NCAM2: variants seen among roughly 807,000 people sequenced by gnomAD.
The protein encoded by NCAM2 is N-CAM-2.
Under a neutral mutation model 98.1 loss-of-function variants are expected in NCAM2, and 30 were observed. The observed-to-expected ratio is 0.31, with a 90% CI of 0.23 to 0.41. The LOEUF (loss-of-function observed/expected upper bound fraction) is 0.41. Ranked by LOEUF, NCAM2 falls within the 10% of genes least tolerant of loss-of-function variation. NCAM2 has a pLI of 1.00. For missense variants in NCAM2, 867 were observed against 1,005.8 expected, an observed-to-expected ratio of 0.86 and a Z score of 1.87; for synonymous variants, 368 against 342.4, an observed-to-expected ratio of 1.07 and a Z score of -0.83.
intron 12 of NCAM2, chr21:21,463,664 GA>G (rs1983295197): frequency 6.6e-6 from 1 of 152,064 alleles, no homozygotes; most frequent in African/African-American, 2.4e-5. Context: ...AACATGTGAG[GA>G]AACAGGGAAA....
Position 21,097,782 on chromosome 21 carries a change from G to A in NCAM2, c.55+99164G>A, listed in dbSNP as rs187230774. Reference sequence around the variant, plus strand: ...AGATTGTTTTATTCTAATCAAAAGAGCAAGAAAGCAATTGATAAGCTGGAT... The same window carrying A: ...AGATTGTTTTATTCTAATCAAAAGAACAAGAAAGCAATTGATAAGCTGGAT... On this transcript the variant is annotated intron_variant, in intron 1 of 17. Transcript: ENST00000400546. Among the ~76,000 whole-genome samples the A allele has an allele frequency of 4.6e-5, 7 of 151,110 alleles. No homozygotes were observed. The East Asian group carries it at 1.4e-3, about 30-fold the overall frequency.
chr21:21,395,944 T>C (rs1046915132), intron 9 of NCAM2, among the ~76,000 whole-genome samples: 2 of 152,082 alleles, frequency 1.3e-5, no homozygotes, highest in Non-Finnish European at 2.9e-5. Flanking sequence ...CTCTAGACAT[T>C]GGCTTAGGCA....
chr21:21,401,779 A>C (rs531539940), intron 9 of NCAM2, among the ~76,000 whole-genome samples: 3 of 152,162 alleles, frequency 2.0e-5, no homozygotes, highest in African/African-American at 7.2e-5. Flanking sequence ...TCTTTTCTAC[A>C]TACTAATTGA....
chr21:21,177,985 A>C (rs2068349329), intron 1 of NCAM2, among the ~76,000 whole-genome samples: 1 of 152,158 alleles, frequency 6.6e-6, no homozygotes, highest in African/African-American at 2.4e-5. Flanking sequence ...TTTTATAAAA[A>C]CAGTTTATAT....
At chr21:21,491,765 T>C in intron 15 of NCAM2, among the ~76,000 whole-genome samples, 1 of 151,658 alleles carries the variant, frequency 6.6e-6, no homozygotes, top group Non-Finnish European at 1.5e-5. Flanking sequence ...TATTTTAATA[T>C]ATACATTATT....
At chr21:21,178,147 G>A (rs1277823308) in intron 1 of NCAM2, among the ~76,000 whole-genome samples, 1 of 152,032 alleles carries the variant, frequency 6.6e-6, no homozygotes, top group East Asian at 1.9e-4. Flanking sequence ...ACAATTTATT[G>A]CTGTTTTCTT....
intron 9 of NCAM2, among the ~76,000 whole-genome samples, chr21:21,385,988 C>T (rs1278120891): frequency 5.3e-5 from 8 of 151,970 alleles, no homozygotes; most frequent in Admixed American, 5.3e-4. Flanking sequence ...TTTGTAAATG[C>T]ATTTTCTCCT....
chr21:21,179,561 C>T (rs2068402520), intron 1 of NCAM2, among the ~76,000 whole-genome samples: 1 of 152,170 alleles, frequency 6.6e-6, no homozygotes, highest in African/African-American at 2.4e-5. Context: ...CAGCTGTTGT[C>T]TTCTTTTATG....
intron 8 of NCAM2, among the ~76,000 whole-genome samples, chr21:21,369,702 GTT>G (rs2075870012): frequency 6.6e-6 from 1 of 151,784 alleles, no homozygotes; most frequent in African/African-American, 2.4e-5. Context: ...TGGCTAGTGA[GTT>G]TCAGCATCTT....
intron 1 of NCAM2, among the ~76,000 whole-genome samples, chr21:21,238,098 G>C (rs557734549): frequency 6.6e-6 from 1 of 151,832 alleles, no homozygotes; most frequent in Non-Finnish European, 1.5e-5. Flanking sequence ...TGGGACTACA[G>C]GAACGTGCCA....
At chr21:21,386,653 A>G (rs756692773) in intron 9 of NCAM2, among the ~76,000 whole-genome samples, 1 of 152,202 alleles carries the variant, frequency 6.6e-6, no homozygotes, top group African/African-American at 2.4e-5. Flanking sequence ...CACATTCTTC[A>G]TGTGTATAGA....
At chr21:21,257,584 C>CT (rs766088945) in intron 1 of NCAM2, among the ~76,000 whole-genome samples, 72 of 152,026 alleles carry the variant, frequency 4.7e-4, no homozygotes, top group Admixed American at 8.5e-4. Context: ...AATGTTGACT[C>CT]TTTTTTTTAT....
At position 21,040,679 on chromosome 21, in the gene NCAM2, G is replaced by A. The variant is rs2064886523; in HGVS notation, c.55+42061G>A. Among the ~76,000 whole-genome samples the A allele has an allele frequency of 1.3e-5, 2 of 152,068 alleles. 1 individual carries two copies. Among genetic ancestry groups the A allele is most frequent in the Admixed American group, 1.3e-4 (2 of 15,250 alleles). On this transcript the variant is annotated intron_variant, in intron 1 of 17. Transcript: ENST00000400546. ...TATTATGTTAAGTAAAATAAGTCAG[G>A]CACAGAAAGACAAATATTGCATGTT... is the stretch of plus-strand genomic sequence containing the variant.
chr21:21,170,570 A>G (rs1345756596), intron 1 of NCAM2, among the ~76,000 whole-genome samples: 2 of 152,256 alleles, frequency 1.3e-5, no homozygotes, highest in East Asian at 3.9e-4. Context: ...TTGCAAGGGA[A>G]AGGATGAACA....
intron 12 of NCAM2, among the ~76,000 whole-genome samples, chr21:21,438,332 T>A (rs78070138): frequency 0.031 from 4,703 of 152,222 alleles, 112 homozygotes; most frequent in Non-Finnish European, 0.046. Flanking sequence ...TGTTAGTAGA[T>A]TCTAATCTTA....
intron 12 of NCAM2, among the ~76,000 whole-genome samples, chr21:21,466,159 A>G (rs1443738574): frequency 6.6e-6 from 1 of 152,080 alleles, no homozygotes; most frequent in Non-Finnish European, 1.5e-5. Flanking sequence ...CTTGTTTGAC[A>G]TGACTAAATC....
At chr21:21,042,001 C>T (rs768423628) in intron 1 of NCAM2, among the ~76,000 whole-genome samples, 13 of 152,106 alleles carry the variant, frequency 8.5e-5, no homozygotes, top group African/African-American at 2.7e-4. Flanking sequence ...TGCCAACTTT[C>T]GTTAATTTTA....
intron 1 of NCAM2, among the ~76,000 whole-genome samples, chr21:21,111,768 G>A (rs527859767): frequency 9.2e-5 from 14 of 152,074 alleles, no homozygotes; most frequent in Admixed American, 3.3e-4. Context: ...AGGAGGTAGC[G>A]GGGGTCGTTT....
Position 21,527,993 on chromosome 21 carries a change from A to G in NCAM2, c.2283-6544A>G, listed in dbSNP as rs116367598. Among the ~76,000 whole-genome samples, 719 of 152,320 alleles carry G rather than the reference A, an allele frequency of 4.7e-3. 4 individuals carry two copies. The highest frequency in any genetic ancestry group is 0.017 in the African/African-American group (689 of 41,566). The stretch of plus-strand genomic sequence containing the variant: ...GAATAAACTGTGGTAGATCCCAGCA[A>G]TGGGCTGTTATTCAGCACTAAAAAG... On this transcript the variant is annotated intron_variant, in intron 16 of 17. Transcript: ENST00000400546.
Sources: gnomAD v4.1 joint callset for allele counts (sites outside exome capture counted in the v4.1 genomes callset) on GRCh38, gnomAD v4.1.1 for gene constraint, MANE v1.5 for transcripts, NCBI Gene and HGNC (gene_info 2026-07-23, HGNC 2026-07-21) for gene names.